Variants in PTPRN2 observed in about 807,000 individuals in gnomAD.
The protein encoded by PTPRN2 is receptor-type tyrosine-protein phosphatase N2.
A neutral mutation model predicts 118.8 loss-of-function variants in PTPRN2; 74 were observed. That is an observed-to-expected ratio of 0.62 (90% CI 0.52 to 0.76). The LOEUF (loss-of-function observed/expected upper bound fraction) is 0.76. Ranked by LOEUF, PTPRN2 falls within the 30% of genes least tolerant of loss-of-function variation. PTPRN2 has a pLI of 0.00. For missense variants in PTPRN2, 1,481 were observed against 1,394.4 expected (o/e 1.06, Z -0.99); for synonymous variants, 641 against 608.0 (o/e 1.05, Z -0.80).
chr7:157,894,361 G>A (rs527717303), intron 12 of PTPRN2, among the ~76,000 whole-genome samples: 4 of 151,220 alleles, frequency 2.6e-5, no homozygotes, highest in African/African-American at 9.7e-5. Flanking sequence ...TGGGGTGTGA[G>A]TTCCTGTGGA....
At chr7:157,678,638 C>A (rs1002978872) in intron 13 of PTPRN2, among the ~76,000 whole-genome samples, 1 of 152,166 alleles carries the variant, frequency 6.6e-6, no homozygotes, top group Non-Finnish European at 1.5e-5. Flanking sequence ...CAGCAGCGAC[C>A]GAGACGTGCA....
At chr7:158,327,473 TCACACATA>T (rs1803735420) in intron 2 of PTPRN2, among the ~76,000 whole-genome samples, 1 of 132,570 alleles carries the variant, frequency 7.5e-6, no homozygotes, top group South Asian at 2.5e-4. Flanking sequence ...GTACACGTTC[TCACACATA>T]CATTCTCACA....
rs942432430 is a variant in PTPRN2, at chr7:158,512,150, G to T, written c.113-22365C>A. Among the ~76,000 whole-genome samples, 5 of 152,186 alleles carry T rather than the reference G, an allele frequency of 3.3e-5. 1 individual carries two copies. The highest frequency in any genetic ancestry group is 1.2e-4 in the African/African-American group (5 of 41,450). ...ATGTGTGAAGCCACTGACACCAACG[G>T]GGCAGGAGAAAAAGTGCTGACCTAC... On this transcript the variant is annotated intron_variant, in intron 1 of 22. Coordinates refer to ENST00000389418, the MANE Select transcript of PTPRN2 (RefSeq NM_002847.5).
intron 1 of PTPRN2, among the ~76,000 whole-genome samples, chr7:158,578,998 G>A (rs541174154): frequency 6.6e-6 from 1 of 152,198 alleles, no homozygotes; most frequent in South Asian, 2.1e-4. Flanking sequence ...CCTGACCTCA[G>A]ATGATCTGCC....
intron 12 of PTPRN2, among the ~76,000 whole-genome samples, chr7:157,844,264 C>T (rs941717785): frequency 5.3e-5 from 8 of 152,296 alleles, no homozygotes; most frequent in African/African-American, 1.4e-4. Flanking sequence ...GGTGGTGAGA[C>T]GGCCACACAC....
At chr7:158,052,248 G>T (rs536385487) in intron 11 of PTPRN2, among the ~76,000 whole-genome samples, 97 of 152,338 alleles carry the variant, frequency 6.4e-4, no homozygotes, top group Non-Finnish European at 1.2e-3. Context: ...CATCATAAGT[G>T]ATCGCCTTTG....
intron 12 of PTPRN2, among the ~76,000 whole-genome samples, chr7:157,725,221 C>G (rs959594785): frequency 6.2e-5 from 9 of 144,322 alleles, no homozygotes; most frequent in Non-Finnish European, 1.2e-4. Context: ...GCCAGACCCT[C>G]GCCTCCCAGG....
At position 157,554,647 on chromosome 7, in the gene PTPRN2, G is replaced by T. The variant is rs138497559; in HGVS notation, c.2903-5628C>A. On this transcript the variant is annotated intron_variant, in intron 21 of 22. Transcript: ENST00000389418. The stretch of plus-strand genomic sequence containing the variant: ...CAGCTAACGAAAGTTAAATTCCAGG[G>T]AAACAGAAAGGCCCAGTGGTGTGAC... 6.6e-3 allele frequency among the ~76,000 whole-genome samples: 1,011 copies of T among 152,330 alleles called. 15 individuals carry two copies. Among genetic ancestry groups the T allele is most frequent in the African/African-American group, 0.023 (957 of 41,566 alleles).
At chr7:158,497,192 C>T (rs1227139763) in intron 1 of PTPRN2, among the ~76,000 whole-genome samples, 1 of 77,224 alleles carries the variant, frequency 1.3e-5, no homozygotes, top group Non-Finnish European at 2.7e-5. Flanking sequence ...GTACCCCTTC[C>T]CCCTTCCCTG....
intron 1 of PTPRN2, among the ~76,000 whole-genome samples, chr7:158,528,353 C>G (rs1056565429): frequency 5.9e-5 from 9 of 152,188 alleles, no homozygotes; most frequent in Non-Finnish European, 8.8e-5. Flanking sequence ...CCAAAACAGG[C>G]CACTCAATCA....
In PTPRN2 at chr7:157,881,312, G is replaced by A. The variant is rs1040949752; in HGVS notation, c.1788+17361C>T. 3.3e-5 allele frequency among the ~76,000 whole-genome samples: 5 copies of A among 150,494 alleles called. No homozygotes were observed. The highest frequency in any genetic ancestry group is 7.4e-5 in the African/African-American group (3 of 40,490). ...CAGTAAAATGTGGTCATCAGGGTGA[G>A]CCTGATCCCATGTGACTGGCATCCT... On this transcript the variant is annotated intron_variant, in intron 12 of 22. Transcript: ENST00000389418. This position sits in a 1 kb window ranked among gnomAD's most constrained non-coding sequence, Gnocchi z 4.7.
chr7:158,195,168 A>G (rs1826115352), intron 4 of PTPRN2, among the ~76,000 whole-genome samples: 1 of 152,202 alleles, frequency 6.6e-6, no homozygotes, highest in Admixed American at 6.5e-5. Context: ...ATTTCTGAGA[A>G]AGCCAATAAT....
At chr7:158,383,210 T>C (rs1353212428) in intron 2 of PTPRN2, among the ~76,000 whole-genome samples, 3 of 152,200 alleles carry the variant, frequency 2.0e-5, no homozygotes, top group Non-Finnish European at 4.4e-5. Context: ...TTCAACAGAA[T>C]TTGAAGAACT....
intron 11 of PTPRN2, among the ~76,000 whole-genome samples, chr7:158,069,757 C>T (rs76887077): frequency 0.026 from 3,910 of 152,344 alleles, 144 homozygotes; most frequent in African/African-American, 0.082. Flanking sequence ...TCCAGGCATT[C>T]GTGGGATGCC....
rs1173805118 is a variant in PTPRN2, at chr7:158,273,550, ACACAGGGGGAGCCGCAGG to A, written c.277+43251_277+43268del. On this transcript the variant is annotated intron_variant, in intron 3 of 22. Transcript: ENST00000389418. Reference sequence around the variant, plus strand: ...GAGCCGCAGACACGGGGAGCCGCAGACACAGGGGGAGCCGCAGGCACAGGGGGAGCCGCAGACAGACAT... The same window carrying A: ...GAGCCGCAGACACGGGGAGCCGCAGACACAGGGGGAGCCGCAGACAGACAT... 2.7e-5 allele frequency among the ~76,000 whole-genome samples: 3 copies of A among 109,546 alleles called. 1 individual carries two copies. Among genetic ancestry groups the A allele is most frequent in the Admixed American group, 8.8e-5 (1 of 11,324 alleles). The allele number at this position is 109,546 out of a possible 152,430, so 71.9% of individuals were successfully genotyped here.
chr7:158,059,291 A>G (rs1381013014), intron 11 of PTPRN2, among the ~76,000 whole-genome samples: 35 of 135,328 alleles, frequency 2.6e-4, no homozygotes, highest in African/African-American at 7.2e-4. Context: ...ACACAGTGAC[A>G]CATCACTGCA....
In PTPRN2 at chr7:158,161,481, G is replaced by T. The variant is rs139617187; in HGVS notation, c.910+5450C>A. Among the ~76,000 whole-genome samples, 10 of 152,326 alleles carry T rather than the reference G, an allele frequency of 6.6e-5. No individual in the cohort carries two copies. The South Asian group carries it at 8.3e-4, about 13-fold the overall frequency. On this transcript the variant is annotated intron_variant, in intron 6 of 22. Transcript: ENST00000389418. Reference sequence around the variant, plus strand: ...TGAAAAGGAGCAAAGGTGATGCTATGGAGAAAGGATCGCCTCTTAACAAAT... The same window carrying T: ...TGAAAAGGAGCAAAGGTGATGCTATTGAGAAAGGATCGCCTCTTAACAAAT...
chr7:157,582,772 G>A (rs1800464710), intron 17 of PTPRN2, among the ~76,000 whole-genome samples: 1 of 151,914 alleles, frequency 6.6e-6, no homozygotes, highest in African/African-American at 2.4e-5. Flanking sequence ...TACTCAGGAG[G>A]CTGAGGCAGG....
intron 2 of PTPRN2, among the ~76,000 whole-genome samples, chr7:158,333,933 T>A (rs1462521299): frequency 1.0e-4 from 9 of 86,272 alleles, no homozygotes; most frequent in African/African-American, 4.4e-4. Flanking sequence ...ACTCTCACCA[T>A]AAGAGCTGTC....
Sources: allele counts gnomAD v4.1 joint callset (sites outside exome capture counted in the v4.1 genomes callset), GRCh38; gene constraint gnomAD v4.1.1; non-coding constraint Gnocchi (gnomAD v3.1); transcripts MANE v1.5; gene names NCBI Gene and HGNC (gene_info 2026-07-23, HGNC 2026-07-21).